CRISP2: variants seen among roughly 807,000 people sequenced by gnomAD.
CRISP2 encodes cysteine-rich secretory protein 2.
Under a neutral mutation model 31.7 loss-of-function variants are expected in CRISP2, and 29 were observed. The observed-to-expected ratio is 0.92, with a 90% CI of 0.68 to 1.25. CRISP2 has a LOEUF of 1.25. CRISP2 is among the 50% of genes most tolerant of loss of function. The pLI, the probability that CRISP2 is intolerant of heterozygous loss-of-function variation, is 0.00. For missense variants in CRISP2, 318 were observed against 286.5 expected (o/e 1.11, Z -0.79); for synonymous variants, 111 against 101.4 (o/e 1.09, Z -0.57).
rs149655879 is a variant in CRISP2, at chr6:49,695,868, C to G, written c.572G>C (p.Gly191Ala). Reference sequence around the variant, plus strand: ...TCCTTTGTCACAGTCATCAGGGCAACCGGCACAAGGTGTTCCTTGTTGGTA... The same window carrying G: ...TCCTTTGTCACAGTCATCAGGGCAAGCGGCACAAGGTGTTCCTTGTTGGTA... ...TPYQQGTPCAGCPDDCDKGLC... is the reference protein window; with the variant it reads ...TPYQQGTPCAACPDDCDKGLC... Residue 191 changes from glycine to alanine, a missense_variant, in exon 9 of 10, where the codon GGT becomes GCT. Transcript: ENST00000339139. 1.2e-6 allele frequency: 2 copies of G among 1,613,064 alleles called. No individual in the cohort carries two copies. Among genetic ancestry groups the G allele is most frequent in the Non-Finnish European group, 1.7e-6 (2 of 1,179,510 alleles).
intron 1 of CRISP2, among the ~76,000 whole-genome samples, chr6:49,712,842 T>C (rs991736829): frequency 2.0e-5 from 3 of 152,202 alleles, no homozygotes; most frequent in African/African-American, 4.8e-5. Context: ...TTCTTGAAGT[T>C]CAGTAACTAC....
At chr6:49,678,152 C>T in the CRISP2 span, among the ~76,000 whole-genome samples, 3 of 152,122 alleles carry the variant, frequency 2.0e-5, no homozygotes, top group Non-Finnish European at 4.4e-5. Flanking sequence ...AAATAGAATA[C>T]TAGAAAGGTG....
At chr6:49,708,278 T>C (rs1367232316) in intron 4 of CRISP2, among the ~76,000 whole-genome samples, 1 of 152,184 alleles carries the variant, frequency 6.6e-6, no homozygotes, top group Non-Finnish European at 1.5e-5. Context: ...TTTTAAGTGA[T>C]ATTAATTTAA....
At chr6:49,701,092 C>A (rs73437867) in intron 4 of CRISP2, among the ~76,000 whole-genome samples, 5,120 of 151,988 alleles carry the variant, frequency 0.034, 302 homozygotes, top group African/African-American at 0.12. Flanking sequence ...ACTAAAAACC[C>A]CTCTGAGGCC....
intron 4 of CRISP2, among the ~76,000 whole-genome samples, chr6:49,708,649 T>G (rs1046333143): frequency 6.6e-6 from 1 of 152,166 alleles, no homozygotes; most frequent in East Asian, 1.9e-4. Flanking sequence ...GGAGATAATT[T>G]GATTTTAGAT....
chr6:49,699,655 C>T (rs1765330178), intron 6 of CRISP2, 149 bp downstream of exon 6: 1 of 540,060 alleles, frequency 1.9e-6, no homozygotes. Context: ...ATTGTAAATA[C>T]CCCTCTGTAT....
intron 9 of CRISP2, among the ~76,000 whole-genome samples, chr6:49,693,489 T>C (rs766350288): frequency 6.6e-6 from 1 of 152,114 alleles, no homozygotes; most frequent in Non-Finnish European, 1.5e-5. Context: ...ACAAGGACAA[T>C]ACGCCCTTTT....
chr6:49,681,288 G>C, the CRISP2 span, among the ~76,000 whole-genome samples: 1 of 152,164 alleles, frequency 6.6e-6, no homozygotes, highest in African/African-American at 2.4e-5. Context: ...AGATTTCTCA[G>C]AGATCAGATA....
chr6:49,683,032 C>A, the CRISP2 span, among the ~76,000 whole-genome samples: 1 of 152,006 alleles, frequency 6.6e-6, no homozygotes. Flanking sequence ...GTGGCATGTG[C>A]CTGTAATCCC....
chr6:49,682,627 CT>C, the CRISP2 span, among the ~76,000 whole-genome samples: 9,694 of 73,758 alleles, frequency 0.13, 352 homozygotes, highest in African/African-American at 0.21. Context: ...TTCTTTCTTT[CT>C]TTCTTTCTTT....
At chr6:49,694,680 A>G (rs2127387423) in intron 9 of CRISP2, among the ~76,000 whole-genome samples, 1 of 152,200 alleles carries the variant, frequency 6.6e-6, no homozygotes, top group East Asian at 1.9e-4. Flanking sequence ...TGACAGATGA[A>G]TTCCAGACTT....
At position 49,709,220 on chromosome 6, in the gene CRISP2, A is replaced by T. The variant is rs764533854; in HGVS notation, c.-9-15T>A. The stretch of plus-strand genomic sequence containing the variant: ...ATTGCTGGAAACTAAGTCAAGAAAA[A>T]CAAAGGTCTGCATTGAAATATGTAG... On this transcript the variant is annotated splice_polypyrimidine_tract_variant and intron_variant, in intron 3 of 9. Coordinates refer to ENST00000339139, the MANE Select transcript of CRISP2 (RefSeq NM_003296.4). The T allele has an allele frequency of 6.2e-7, 1 of 1,612,340 alleles. No individual in the cohort carries two copies. The highest frequency in any genetic ancestry group is 2.2e-5 in the East Asian group (1 of 44,858).
intron 9 of CRISP2, among the ~76,000 whole-genome samples, chr6:49,694,104 G>A (rs1764341763): frequency 6.6e-6 from 1 of 152,154 alleles, no homozygotes; most frequent in African/African-American, 2.4e-5. Flanking sequence ...GAATTTAAAG[G>A]AGCGAATAAG....
Position 49,692,600 on chromosome 6 carries a change from C to T in CRISP2, c.*173G>A. 1.8e-6 allele frequency: 1 copy of T among 570,116 alleles called. No individual in the cohort carries two copies. The highest frequency in any genetic ancestry group is 3.1e-5 in the Admixed American group (1 of 31,800). The allele number at this position is 570,116 out of a possible 1,614,324, so 35.3% of individuals were successfully genotyped here. On this transcript the variant is annotated 3_prime_UTR_variant, in exon 10 of 10. Coordinates refer to ENST00000339139, the MANE Select transcript of CRISP2 (RefSeq NM_003296.4). ...TTCACAGTTGTCATCATCTACTATGCTACTTTTGTAAATCATTGCCTGAAA... is the reference window on the plus strand; with the variant it reads ...TTCACAGTTGTCATCATCTACTATGTTACTTTTGTAAATCATTGCCTGAAA...
the CRISP2 span, among the ~76,000 whole-genome samples, chr6:49,681,782 C>A: frequency 6.6e-6 from 1 of 152,154 alleles, no homozygotes; most frequent in Non-Finnish European, 1.5e-5. Context: ...CCTATCTCAG[C>A]CTCCTAAGTA....
Position 49,699,883 on chromosome 6 carries a change from G to C in CRISP2, c.192C>G (p.Ser64Arg), listed in dbSNP as rs770543450. 5.6e-6 allele frequency: 9 copies of C among 1,612,114 alleles called. No individual in the cohort carries two copies. Among genetic ancestry groups the C allele is most frequent in the Non-Finnish European group, 6.8e-6 (8 of 1,178,864 alleles). ...TTTGGGCATTCGTTGTTACCTCTCT[G>C]CTCCATTCCTAAACGTCACAAGAAA... The part of the protein sequence containing the change: ...PASNMLKMEW[S>R]REVTTNAQRW... Residue 64 changes from serine (S) to arginine (R), a missense_variant, in exon 6 of 10, where the codon AGC (serine) becomes AGG (arginine). Physicochemically the swap from Ser to Arg is moderately radical, Grantham distance 110. Transcript: ENST00000339139.
chr6:49,707,613 T>C (rs1268722140), intron 4 of CRISP2, among the ~76,000 whole-genome samples: 2 of 152,210 alleles, frequency 1.3e-5, no homozygotes, highest in Admixed American at 1.3e-4. Flanking sequence ...AATGAGGCCC[T>C]AGATGATGAA....
At chr6:49,707,062 A>C (rs1767163127) in intron 4 of CRISP2, among the ~76,000 whole-genome samples, 1 of 152,200 alleles carries the variant, frequency 6.6e-6, no homozygotes, top group African/African-American at 2.4e-5. Flanking sequence ...TAATTTCTAA[A>C]TTATTTCCTG....
downstream of CRISP2, among the ~76,000 whole-genome samples, chr6:49,689,862 C>T (rs1473941030): frequency 6.6e-6 from 1 of 152,030 alleles, no homozygotes; most frequent in Non-Finnish European, 1.5e-5. Flanking sequence ...CCACATCACT[C>T]TTTCTTTCCA....
Sources: gnomAD v4.1 joint callset for allele counts (sites outside exome capture counted in the v4.1 genomes callset) on GRCh38, gnomAD v4.1.1 for gene constraint, MANE v1.5 for transcripts, NCBI Gene and HGNC (gene_info 2026-07-23, HGNC 2026-07-21) for gene names.